Variants in SSBP3 observed in about 807,000 individuals in gnomAD.
The protein encoded by SSBP3 is single-stranded DNA-binding protein 3.
In SSBP3, 5 loss-of-function variants were observed where a neutral mutation model predicts 69.6. That is an observed-to-expected ratio of 0.07 (90% CI 0.04 to 0.15). SSBP3 has a LOEUF of 0.15. Among genes scored for constraint, SSBP3 ranks in the 10% least tolerant of loss-of-function variants. The pLI is 1.00. For missense variants in SSBP3, 312 were observed against 534.0 expected, an observed-to-expected ratio of 0.58 and a Z score of 4.10; for synonymous variants, 196 against 193.4, an observed-to-expected ratio of 1.01 and a Z score of -0.11.
intron 7 of SSBP3, among the ~76,000 whole-genome samples, chr1:54,255,157 GC>G (rs1422926596): frequency 2.9e-4 from 40 of 135,998 alleles, no homozygotes; most frequent in African/African-American, 7.4e-4. Context: ...TTGCGGGGGG[GC>G]GGGGGGGGGG....
chr1:54,331,154 G>A (rs959089049), intron 4 of SSBP3, among the ~76,000 whole-genome samples: 9 of 152,120 alleles, frequency 5.9e-5, no homozygotes, highest in Non-Finnish European at 8.8e-5. Flanking sequence ...CGCATGTAAC[G>A]TCCTCTATAT....
At chr1:54,394,344 T>C (rs540765813) in intron 4 of SSBP3, among the ~76,000 whole-genome samples, 4 of 152,316 alleles carry the variant, frequency 2.6e-5, no homozygotes, top group African/African-American at 9.6e-5. Context: ...ATATATTTCG[T>C]TACAACACAG....
At chr1:54,391,629 T>C (rs1303007199) in intron 4 of SSBP3, among the ~76,000 whole-genome samples, 1 of 152,120 alleles carries the variant, frequency 6.6e-6, no homozygotes, top group Non-Finnish European at 1.5e-5. Context: ...CAGGGAGCAG[T>C]TGTGCTTCTT....
chr1:54,331,932 C>CCAA (rs1356324718), intron 4 of SSBP3, among the ~76,000 whole-genome samples: 2 of 152,232 alleles, frequency 1.3e-5, no homozygotes, highest in East Asian at 3.8e-4. Flanking sequence ...CCAACAGCTT[C>CCAA]CAACAACAGG....
At chr1:54,350,247 T>C (rs1210326300) in intron 4 of SSBP3, among the ~76,000 whole-genome samples, 1 of 152,176 alleles carries the variant, frequency 6.6e-6, no homozygotes, top group African/African-American at 2.4e-5. Flanking sequence ...GTGCCATCCA[T>C]AAAAATGGGC....
chr1:54,410,052 G>A (rs1041994458), upstream of SSBP3, among the ~76,000 whole-genome samples: 2 of 152,182 alleles, frequency 1.3e-5, no homozygotes, highest in Admixed American at 6.5e-5. Context: ...GTGGTTCAGG[G>A]GTGCATTTTC....
At chr1:54,274,708 C>T (rs1645253862) in intron 5 of SSBP3, among the ~76,000 whole-genome samples, 1 of 152,202 alleles carries the variant, frequency 6.6e-6, no homozygotes, top group Non-Finnish European at 1.5e-5. Flanking sequence ...CCACACTGGC[C>T]AGCCGGCCAA....
At chr1:54,269,899 A>T (rs1645164404) in intron 5 of SSBP3, among the ~76,000 whole-genome samples, 1 of 152,220 alleles carries the variant, frequency 6.6e-6, no homozygotes, top group Non-Finnish European at 1.5e-5. Context: ...AATGAGCCAC[A>T]TGCTCACCTT....
At chr1:54,403,242 G>A (rs1649432577) in intron 3 of SSBP3, among the ~76,000 whole-genome samples, 1 of 152,174 alleles carries the variant, frequency 6.6e-6, no homozygotes, top group Admixed American at 6.5e-5. Context: ...GATATAACAG[G>A]AAAATCAGGA....
intron 4 of SSBP3, among the ~76,000 whole-genome samples, chr1:54,296,044 A>G (rs989834578): frequency 6.6e-6 from 1 of 152,236 alleles, no homozygotes; most frequent in African/African-American, 2.4e-5. Context: ...ACATCAAATG[A>G]TTGGAGACTG....
intron 9 of SSBP3, among the ~76,000 whole-genome samples, chr1:54,244,743 C>T (rs896603268): frequency 5.3e-5 from 8 of 152,200 alleles, no homozygotes; most frequent in African/African-American, 7.2e-5. Flanking sequence ...TCATACATGC[C>T]TTGCTTCCCT....
chr1:54,277,980 A>G (rs1399971778), intron 5 of SSBP3, among the ~76,000 whole-genome samples: 1 of 152,212 alleles, frequency 6.6e-6, no homozygotes, highest in Non-Finnish European at 1.5e-5. Flanking sequence ...CTGGATCCAA[A>G]GCAGAAAATC....
intron 4 of SSBP3, among the ~76,000 whole-genome samples, chr1:54,384,377 T>A (rs545603369): frequency 6.6e-6 from 1 of 152,314 alleles, no homozygotes; most frequent in East Asian, 1.9e-4. Context: ...ACCATTCAAA[T>A]GCACAGACTG....
intron 4 of SSBP3, among the ~76,000 whole-genome samples, chr1:54,303,918 G>A (rs1645849273): frequency 6.6e-6 from 1 of 152,124 alleles, no homozygotes; most frequent in South Asian, 2.1e-4. Context: ...TGGCTACAAG[G>A]AGCTCTGAAA....
intron 4 of SSBP3, among the ~76,000 whole-genome samples, chr1:54,352,744 C>T (rs368749954): frequency 2.6e-5 from 4 of 152,320 alleles, no homozygotes; most frequent in East Asian, 3.9e-4. Flanking sequence ...CTAACAGAAA[C>T]GTGCAGACAA....
chr1:54,399,932 A>C, intron 4 of SSBP3, among the ~76,000 whole-genome samples: 1 of 152,136 alleles, frequency 6.6e-6, no homozygotes, highest in Non-Finnish European at 1.5e-5. Flanking sequence ...CTCTCAGGCC[A>C]CATGATACCA....
intron 4 of SSBP3, among the ~76,000 whole-genome samples, chr1:54,375,003 C>A (rs1330320324): frequency 6.6e-6 from 1 of 152,188 alleles, no homozygotes; most frequent in African/African-American, 2.4e-5. Flanking sequence ...AGTCTTGGCT[C>A]CCAATCTGTA....
At chr1:54,338,272 T>C (rs1358889978) in intron 4 of SSBP3, among the ~76,000 whole-genome samples, 1 of 152,228 alleles carries the variant, frequency 6.6e-6, no homozygotes, top group African/African-American at 2.4e-5. Flanking sequence ...ATGCTTGCCT[T>C]GCATATGCTA....
rs12119204 is a variant in SSBP3, at chr1:54,262,712, G to C, written c.367-4563C>G. Among the ~76,000 whole-genome samples, 906 of 152,348 alleles carry C rather than the reference G, an allele frequency of 5.9e-3. 3 individuals are homozygous for C. The highest frequency in any genetic ancestry group is 9.8e-3 in the Non-Finnish European group (666 of 68,036). On this transcript the variant is annotated intron_variant, in intron 5 of 17. Transcript: ENST00000610401. ...CAGTGTGGCCACAGCATGTAGGCCTGGTACCCCCATGAGCCAACCGGAACT... is the reference window on the plus strand; with the variant it reads ...CAGTGTGGCCACAGCATGTAGGCCTCGTACCCCCATGAGCCAACCGGAACT...
Sources: gnomAD v4.1 joint callset for allele counts (sites outside exome capture counted in the v4.1 genomes callset) on GRCh38, gnomAD v4.1.1 for gene constraint, MANE v1.5 for transcripts, NCBI Gene and HGNC (gene_info 2026-07-23, HGNC 2026-07-21) for gene names.